The following DMTN variants were observed in gnomAD, a reference collection of about 807,000 sequenced individuals.
DMTN encodes the protein dematin actin binding protein.
A neutral mutation model predicts 59.4 loss-of-function variants in DMTN; 27 were observed. The observed-to-expected ratio is 0.45, with a 90% confidence interval of 0.33 to 0.63. DMTN has a LOEUF of 0.63. Among genes scored for constraint, DMTN ranks in the 20% least tolerant of loss-of-function variants. DMTN has a pLI of 0.02. For missense variants in DMTN, 451 were observed against 528.9 expected (o/e 0.85, Z 1.45); for synonymous variants, 221 against 203.7 (o/e 1.08, Z -0.72).
At chr8:22,050,071 T>C (rs1330031396), upstream of DMTN, among the ~76,000 whole-genome samples, 3 of 152,200 alleles carry the variant, frequency 2.0e-5, no homozygotes, top group Non-Finnish European at 4.4e-5. Flanking sequence ...CTCGTCATAA[T>C]TGCTTTTCAC....
chr8:22,054,621 C>T (rs956693710), upstream of DMTN, among the ~76,000 whole-genome samples: 1 of 152,202 alleles, frequency 6.6e-6, no homozygotes, highest in African/African-American at 2.4e-5. Flanking sequence ...GCTGCATACT[C>T]TTCAAGACTG....
At chr8:22,050,522 C>T (rs1165975996), upstream of DMTN, among the ~76,000 whole-genome samples, 1 of 152,136 alleles carries the variant, frequency 6.6e-6, no homozygotes, top group Non-Finnish European at 1.5e-5. Context: ...GGCCTTTCTC[C>T]GGCCCCTCCC....
upstream of DMTN, among the ~76,000 whole-genome samples, chr8:22,054,526 T>G (rs1049034065): frequency 2.0e-5 from 3 of 152,074 alleles, no homozygotes; most frequent in African/African-American, 7.2e-5. Context: ...CTCTGGCCCT[T>G]CAGCACAAGG....
chr8:22,066,588 G>T (rs1217785719), intron 1 of DMTN, 117 bp from the exon 2 acceptor site: 2 of 309,466 alleles, frequency 6.5e-6, no homozygotes, highest in African/African-American at 2.2e-5. Context: ...GTTCTCCGGG[G>T]CTGAGCGGAT....
intron 8 of DMTN, 142 bp from the exon 9 acceptor site, chr8:22,072,184 G>T: frequency 1.8e-6 from 2 of 1,089,412 alleles, no homozygotes; most frequent in South Asian, 3.8e-5. Context: ...GTCATCTACC[G>T]ACCCTACTTT....
chr8:22,057,498 C>T (rs902986243), intron 1 of DMTN, among the ~76,000 whole-genome samples: 8 of 152,166 alleles, frequency 5.3e-5, no homozygotes, highest in African/African-American at 1.7e-4. Context: ...AATACTGGCC[C>T]GCTGGCCTCC....
At chr8:22,066,930 C>G (rs560047010) in intron 2 of DMTN, 37 bp downstream of exon 2, 9 of 1,230,378 alleles carry the variant, frequency 7.3e-6, no homozygotes, top group Non-Finnish European at 9.1e-6. Context: ...CCGCCGAGGG[C>G]GGGTGGGGGC....
At chr8:22,050,334 T>C (rs1801216708), upstream of DMTN, among the ~76,000 whole-genome samples, 1 of 151,548 alleles carries the variant, frequency 6.6e-6, no homozygotes, top group African/African-American at 2.4e-5. Flanking sequence ...GGAGGTGTGT[T>C]GGGGAGGGGG....
Position 22,076,759 on chromosome 8 carries a change from T to TAC in DMTN, c.835+2938_835+2939dup, listed in dbSNP as rs954333950. ...TTTTCTTTTTTGGGTGACATATATA[T>TAC]ACACACACACACACATATACATATA... is the stretch of plus-strand genomic sequence containing the variant. On this transcript the variant is annotated intron_variant, in intron 10 of 15. Transcript: ENST00000358242. Among the ~76,000 whole-genome samples the TAC allele has an allele frequency of 2.0e-4, 30 of 151,340 alleles. 1 individual carries two copies. Among genetic ancestry groups the TAC allele is most frequent in the South Asian group, 8.4e-4 (4 of 4,772 alleles).
chr8:22,061,684 C>G (rs1806624411), intron 1 of DMTN, among the ~76,000 whole-genome samples: 1 of 152,086 alleles, frequency 6.6e-6, no homozygotes, highest in Non-Finnish European at 1.5e-5. Flanking sequence ...GCTGCACATG[C>G]TCCTCAGAGT....
chr8:22,056,555 G>GGTGCGTGTGGGTGTGTGT (rs11272608), upstream of DMTN, among the ~76,000 whole-genome samples: 12,348 of 151,888 alleles, frequency 0.081, 1,712 homozygotes, highest in African/African-American at 0.28. Context: ...AGGGGCTCTG[G>GGTGCGTGTGGGTGTGTGT]GTGCGTGTGG....
chr8:22,069,406 T>C lies in DMTN; in HGVS notation c.295-13T>C, dbSNP rs370461300. 3.9e-5 allele frequency: 62 copies of C among 1,610,238 alleles called. 1 individual carries two copies. The African/African-American group carries it at 6.6e-4, about 17-fold the overall frequency. On this transcript the variant is annotated splice_polypyrimidine_tract_variant and intron_variant, in intron 5 of 15. Coordinates refer to ENST00000358242, the MANE Select transcript of DMTN (RefSeq NM_001387751.1). The stretch of plus-strand genomic sequence containing the variant: ...GGTTAGGGGCCCTGGAGCCACACGC[T>C]TCTGCTCTGCAGGTGTGGGCGGACA...
At chr8:22,068,171 T>C (rs1812331953) in intron 4 of DMTN, among the ~76,000 whole-genome samples, 1 of 152,020 alleles carries the variant, frequency 6.6e-6, no homozygotes, top group South Asian at 2.1e-4. Context: ...GGCTAGATCA[T>C]GGGGTGACTT....
At chr8:22,076,357 C>CA (rs1819783997) in intron 10 of DMTN, among the ~76,000 whole-genome samples, 1 of 152,218 alleles carries the variant, frequency 6.6e-6, no homozygotes, top group South Asian at 2.1e-4. Context: ...GTAATCCCAG[C>CA]ACTTTGGAAG....
upstream of DMTN, among the ~76,000 whole-genome samples, chr8:22,051,108 A>G (rs1412474731): frequency 4.6e-5 from 7 of 152,260 alleles, no homozygotes; most frequent in South Asian, 6.2e-4. Flanking sequence ...AGGTGTGAGC[A>G]TGGAGTAGCC....
At chr8:22,067,783 T>C in intron 4 of DMTN, 101 bp downstream of exon 4, 1 of 1,409,566 alleles carries the variant, frequency 7.1e-7, no homozygotes, top group Admixed American at 2.1e-5. Flanking sequence ...GAGGTCTGCC[T>C]CGGCAAAACA....
At chr8:22,073,235 A>G (rs1817112993) in intron 9 of DMTN, among the ~76,000 whole-genome samples, 1 of 152,204 alleles carries the variant, frequency 6.6e-6, no homozygotes, top group South Asian at 2.1e-4. Context: ...AGCCACGAAC[A>G]AGAGGCTCTG....
chr8:22,069,933 G>T lies in DMTN; in HGVS notation c.447G>T (p.Gln149His). The change falls in exon 7 of 16, where the codon CAG becomes CAT. Residue 149 changes from glutamine (Q) to histidine (H), a missense_variant. Gln to His is a conservative substitution (Grantham distance 24). Coordinates refer to ENST00000358242, the MANE Select transcript of DMTN (RefSeq NM_001387751.1). Reference sequence around the variant, plus strand: ...ACAAGAAGCCTCCCATCTATAAGCAGAGAGGTGAGGGCGCCCCTGGCTCAC... The same window carrying T: ...ACAAGAAGCCTCCCATCTATAAGCATAGAGGTGAGGGCGCCCCTGGCTCAC... ...NIYKKPPIYK[Q>H]RESVGGSPQT... The T allele has an allele frequency of 6.2e-7, 1 of 1,614,164 alleles. No individual in the cohort carries two copies. Among genetic ancestry groups the T allele is most frequent in the Non-Finnish European group, 8.5e-7 (1 of 1,180,004 alleles).
chr8:22,077,673 C>A (rs1820799996), intron 10 of DMTN, among the ~76,000 whole-genome samples: 1 of 152,132 alleles, frequency 6.6e-6, no homozygotes, highest in Non-Finnish European at 1.5e-5. Context: ...TAGCCAGATG[C>A]CTACCTCTGG....
Sources: allele counts gnomAD v4.1 joint callset (sites outside exome capture counted in the v4.1 genomes callset), GRCh38; gene constraint gnomAD v4.1.1; transcripts MANE v1.5; gene names NCBI Gene and HGNC (gene_info 2026-07-23, HGNC 2026-07-21).